GAA: variants seen among roughly 807,000 people sequenced by gnomAD.
The protein encoded by GAA is lysosomal alpha-glucosidase.
A neutral mutation model predicts 103.9 loss-of-function variants in GAA; 88 were observed. That is an observed-to-expected ratio of 0.85 (90% confidence interval 0.71 to 1.01). The LOEUF is 1.01. Ranked by LOEUF, GAA falls within the 50% of genes least tolerant of loss-of-function variation. GAA has a pLI of 0.00. For missense variants in GAA, 1,350 were observed against 1,305.3 expected, an observed-to-expected ratio of 1.03 and a Z score of -0.53; for synonymous variants, 572 against 563.1, an observed-to-expected ratio of 1.02 and a Z score of -0.22.
Position 80,110,855 on chromosome 17 carries a change from C to G in GAA, c.1551+15C>G, listed in dbSNP as rs566096057. 1.9e-6 allele frequency: 3 copies of G among 1,613,824 alleles called. No homozygotes were observed. The highest frequency in any genetic ancestry group is 1.1e-5 in the South Asian group (1 of 91,082). ...GCATGTGGATTGTAAGTGTGGCCCC[C>G]TCCTGAGCATCCCCAAGGCCTCTGG... On this transcript the variant is annotated intron_variant, in intron 10 of 19. Coordinates refer to ENST00000302262, the MANE Select transcript of GAA (RefSeq NM_000152.5).
Position 80,112,101 on chromosome 17 carries a change from G to A in GAA, c.1754+1G>A, listed in dbSNP as rs886043399. 1.9e-6 allele frequency: 3 copies of A among 1,612,902 alleles called. No individual in the cohort carries two copies. Among genetic ancestry groups the A allele is most frequent in the African/African-American group, 1.3e-5 (1 of 74,900 alleles). ...TGACCGAAGCCATCGCCTCCCACAG[G>A]TGAGGGCCACGTCCCGCCCCACTGG... is the stretch of plus-strand genomic sequence containing the variant. On this transcript the variant is annotated splice_donor_variant, in intron 12 of 19. Coordinates refer to ENST00000302262, the MANE Select transcript of GAA (RefSeq NM_000152.5). LOFTEE classifies it high-confidence loss of function.
chr17:80,102,266 ATG>A (rs1020512643), intron 1 of GAA: 24 of 152,190 alleles, frequency 1.6e-4, no homozygotes, highest in African/African-American at 5.6e-4. Context: ...TGAAATCTGA[ATG>A]TCTCAATCAC....
intron 12 of GAA, 71 bp from the exon 13 acceptor site, chr17:80,112,507 G>T: frequency 6.3e-7 from 1 of 1,589,868 alleles, no homozygotes; most frequent in Non-Finnish European, 8.6e-7. Flanking sequence ...TCCCAGCTCT[G>T]CCCTGCTGGT....
At chr17:80,119,144 G>A (rs2039426650) in intron 19 of GAA, 128 bp from the exon 20 acceptor site, 3 of 979,172 alleles carry the variant, frequency 3.1e-6, no homozygotes, top group Admixed American at 1.7e-5. Context: ...GCCAGACGGA[G>A]CTGCCCCCTG....
chr17:80,108,880 G>C, intron 8 of GAA, 52 bp downstream of exon 8: 1 of 1,544,832 alleles, frequency 6.5e-7, no homozygotes, highest in Non-Finnish European at 8.8e-7. Flanking sequence ...CCGGTGCCCA[G>C]TGGCTCCTTC....
In GAA at chr17:80,117,020, G is replaced by A. The variant is rs1057516363; in HGVS notation, c.2242G>A (p.Glu748Lys). Residue 748 changes from glutamate to lysine, a missense_variant, in exon 16 of 20, where the codon GAG becomes AAG. Physicochemically the swap from Glu to Lys is moderately conservative, Grantham distance 56. Coordinates refer to ENST00000302262, the MANE Select transcript of GAA (RefSeq NM_000152.5). ...TGTGGACCACCAGCTCCTGTGGGGG[G>A]AGGCCCTGCTCATCACCCCAGTGCT... ...WTVDHQLLWGEALLITPVLQA... is the reference protein window; with the variant it reads ...WTVDHQLLWGKALLITPVLQA... The A allele has an allele frequency of 1.2e-6, 2 of 1,613,750 alleles. No homozygotes were observed. The highest frequency in any genetic ancestry group is 1.7e-6 in the Non-Finnish European group (2 of 1,180,044).
Position 80,112,015 on chromosome 17 carries a change from A to G in GAA, c.1669A>G (p.Ile557Val), listed in dbSNP as rs747150965. 7 of 1,613,944 alleles carry G rather than the reference A, an allele frequency of 4.3e-6. No individual in the cohort carries two copies. Among genetic ancestry groups the G allele is most frequent in the East Asian group, 4.5e-5 (2 of 44,880 alleles). ...TGGGGGGACCCTCCAGGCGGCCACC[A>G]TCTGTGCCTCCAGCCACCAGTTTCT... ...VVGGTLQAATICASSHQFLST... is the reference protein window; with the variant it reads ...VVGGTLQAATVCASSHQFLST... Residue 557 changes from isoleucine to valine, a missense_variant, in exon 12 of 20, where the codon ATC becomes GTC. Ile to Val is a conservative substitution (Grantham distance 29). Transcript: ENST00000302262.
At chr17:80,108,946 C>T (rs2039165108) in intron 8 of GAA, 118 bp downstream of exon 8, 1 of 1,310,772 alleles carries the variant, frequency 7.6e-7, no homozygotes, top group Non-Finnish European at 1.0e-6. Context: ...TTCTGAGGGT[C>T]TTTGTGATAT....
In GAA at chr17:80,108,518, C is replaced by G; in HGVS notation, c.1105C>G (p.Leu369Val). ...GYPFMPPYWG[L>V]GFHLCRWGYS... is the part of the protein sequence containing the mutation. ...CCCGTTCATGCCGCCATACTGGGGC[C>G]TGGGCTTCCACCTGTGCCGCTGGGG... The change falls in exon 7 of 20, where the codon CTG (leucine) becomes GTG (valine). Residue 369 changes from leucine (L) to valine (V), a missense_variant. Transcript: ENST00000302262. The G allele has an allele frequency of 6.2e-7, 1 of 1,613,162 alleles. No individual in the cohort carries two copies. Among genetic ancestry groups the G allele is most frequent in the Non-Finnish European group, 8.5e-7 (1 of 1,179,984 alleles).
At position 80,112,880 on chromosome 17, in the gene GAA, C is replaced by T. The variant is rs1598585395; in HGVS notation, c.1893C>T (p.Ile631=). 4 of 1,608,532 alleles carry T rather than the reference C, an allele frequency of 2.5e-6. No individual in the cohort carries two copies. Among genetic ancestry groups the T allele is most frequent in the East Asian group, 2.2e-5 (1 of 44,790 alleles). ...AGCCTGACTCTGCCCTCCCAGAAAT[C>T]CTGCAGTTTAACCTGCTGGGGGTGC... is the stretch of plus-strand genomic sequence containing the variant. ...WEQLASSVPE[I]LQFNLLGVPL... is the part of the protein sequence containing the mutation. Residue 631 remains isoleucine, a synonymous_variant, in exon 14 of 20, where the codon ATC becomes ATT. Coordinates refer to ENST00000302262, the MANE Select transcript of GAA (RefSeq NM_000152.5).
chr17:80,118,092 C>T (rs903137919), intron 17 of GAA, 101 bp from the exon 18 acceptor site: 7 of 1,353,412 alleles, frequency 5.2e-6, no homozygotes, highest in Non-Finnish European at 6.1e-6. Flanking sequence ...ATCCTAGTTA[C>T]TGGCAGCCTG....
Position 80,112,883 on chromosome 17 carries a change from G to C in GAA, c.1896G>C (p.Leu632=), listed in dbSNP as rs1463611599. Residue 632 remains leucine, a synonymous_variant, in exon 14 of 20, where the codon CTG becomes CTC. Transcript: ENST00000302262. ...CTGACTCTGCCCTCCCAGAAATCCTGCAGTTTAACCTGCTGGGGGTGCCTC... is the reference window on the plus strand; with the variant it reads ...CTGACTCTGCCCTCCCAGAAATCCTCCAGTTTAACCTGCTGGGGGTGCCTC... The part of the protein sequence containing the change: ...EQLASSVPEI[L]QFNLLGVPLV... 1 of 1,608,862 alleles carries C rather than the reference G, an allele frequency of 6.2e-7. No individual in the cohort carries two copies. Among genetic ancestry groups the C allele is most frequent in the Admixed American group, 1.7e-5 (1 of 59,508 alleles).
chr17:80,105,204 A>T (rs1453624819), intron 2 of GAA, 72 bp downstream of exon 2: 1 of 1,427,580 alleles, frequency 7.0e-7, no homozygotes, highest in Non-Finnish European at 9.5e-7. Context: ...CACGCACCTC[A>T]CAAGGGTGGG....
In GAA at chr17:80,104,574, G is replaced by A. The variant is rs750184991; in HGVS notation, c.-13G>A. ...CCGCAGGCCTGTAGGAGCTGTCCAG[G>A]CCATCTCCAACCATGGGAGTGAGGC... On this transcript the variant is annotated 5_prime_UTR_variant, in exon 2 of 20. Coordinates refer to ENST00000302262, the MANE Select transcript of GAA (RefSeq NM_000152.5). The surrounding 1 kb of genome is among the most constrained non-coding windows in gnomAD (Gnocchi z 4.0). 7 of 1,607,030 alleles carry A rather than the reference G, an allele frequency of 4.4e-6. No individual in the cohort carries two copies. Among genetic ancestry groups the A allele is most frequent in the Non-Finnish European group, 4.2e-6 (5 of 1,177,396 alleles).
At position 80,107,666 on chromosome 17, in the gene GAA, AT is replaced by A. The variant is rs2039120629; in HGVS notation, c.803del (p.Met268SerfsTer46). 5 of 1,612,900 alleles carry A rather than the reference AT, an allele frequency of 3.1e-6. No individual in the cohort carries two copies. The highest frequency in any genetic ancestry group is 2.7e-5 in the African/African-American group (2 of 74,904). On this transcript the variant is annotated frameshift_variant, in exon 4 of 20. Coordinates refer to ENST00000302262, the MANE Select transcript of GAA (RefSeq NM_000152.5). LOFTEE classifies it high-confidence loss of function. ...CCTCGCCGAGCACCTCAGTCCCCTG[AT>A]GCTCAGCACCAGCTGGACCAGGATC... The part of the protein sequence containing the change: ...TGLAEHLSPL[M>X]LSTSWTRITL...
At chr17:80,102,593 G>A (rs2038980604) in intron 1 of GAA, 2 of 152,408 alleles carry the variant, frequency 1.3e-5, no homozygotes, top group South Asian at 4.1e-4. Flanking sequence ...CCGCCGGGTT[G>A]TGGAACACAC....
At position 80,104,881 on chromosome 17, in the gene GAA, A is replaced by C; in HGVS notation, c.295A>C (p.Thr99Pro). ...CGATTGCGCCCCTGACAAGGCCATCACCCAGGAACAGTGCGAGGCCCGCGG... is the reference window on the plus strand; with the variant it reads ...CGATTGCGCCCCTGACAAGGCCATCCCCCAGGAACAGTGCGAGGCCCGCGG... ...RFDCAPDKAI[T>P]QEQCEARGCC... Residue 99 changes from threonine to proline, a missense_variant, in exon 2 of 20, where the codon ACC becomes CCC. Thr to Pro is a conservative substitution (Grantham distance 38, BLOSUM62 -1). Coordinates refer to ENST00000302262, the MANE Select transcript of GAA (RefSeq NM_000152.5). The surrounding 1 kb of genome is among the most constrained non-coding windows in gnomAD (Gnocchi z 4.0). 1 of 1,612,738 alleles carries C rather than the reference A, an allele frequency of 6.2e-7. No homozygotes were observed. The highest frequency in any genetic ancestry group is 8.5e-7 in the Non-Finnish European group (1 of 1,179,822).
At position 80,112,089 on chromosome 17, in the gene GAA, C is replaced by T. The variant is rs527970795; in HGVS notation, c.1743C>T (p.Ile581=). ...ACCTCTACGGCCTGACCGAAGCCATCGCCTCCCACAGGTGAGGGCCACGTC... is the reference window on the plus strand; with the variant it reads ...ACCTCTACGGCCTGACCGAAGCCATTGCCTCCCACAGGTGAGGGCCACGTC... ...LHNLYGLTEA[I]ASHRALVKAR... Residue 581 remains isoleucine (I), a synonymous_variant, in exon 12 of 20, where the codon ATC becomes ATT. Coordinates refer to ENST00000302262, the MANE Select transcript of GAA (RefSeq NM_000152.5). 6.3e-5 allele frequency: 102 copies of T among 1,613,664 alleles called. No individual in the cohort carries two copies. Among genetic ancestry groups the T allele is most frequent in the Non-Finnish European group, 8.3e-5 (98 of 1,179,816 alleles).
chr17:80,112,373 G>C (rs911077295), intron 12 of GAA: 106 of 677,634 alleles, frequency 1.6e-4, no homozygotes, highest in Non-Finnish European at 2.4e-4. Flanking sequence ...GTGAGGCTGG[G>C]GGGGGTCCTG....
Sources: gnomAD v4.1 joint callset for allele counts on GRCh38, gnomAD v4.1.1 for gene constraint, Gnocchi (gnomAD v3.1) non-coding constraint, MANE v1.5 for transcripts, NCBI Gene and HGNC (gene_info 2026-07-23, HGNC 2026-07-21) for gene names.